The following UBR4 variants were observed in gnomAD, a reference collection of about 807,000 sequenced individuals.
The protein encoded by UBR4 is E3 ubiquitin-protein ligase UBR4.
A neutral mutation model predicts 575.6 loss-of-function variants in UBR4; 124 were observed. The observed-to-expected ratio is 0.22, with a 90% CI of 0.19 to 0.25. The LOEUF (loss-of-function observed/expected upper bound fraction) is 0.25. Ranked by LOEUF, UBR4 falls within the 10% of genes least tolerant of loss-of-function variation. The pLI, the probability that UBR4 is intolerant of heterozygous loss-of-function variation, is 1.00. For missense variants in UBR4, 4,818 were observed against 6,478.8 expected, an observed-to-expected ratio of 0.74 and a Z score of 8.80; for synonymous variants, 2,455 against 2,473.7, an observed-to-expected ratio of 0.99 and a Z score of 0.22.
rs149743030 is a variant in UBR4 at position 19,145,887 on chromosome 1, A to G, written c.7851T>C (p.Asp2617=). ...GKEPQKQLEG[D]CCSFITQLVN... ...CAAGCTGGGTGATGAAACTACAGCA[A>G]TCTCCTTCCAACTGCTTCTGCGGTT... Residue 2617 remains aspartate, a synonymous_variant, in exon 53 of 106, where the codon GAT becomes GAC. Coordinates refer to ENST00000375254, the MANE Select transcript of UBR4 (RefSeq NM_020765.3). The G allele has an allele frequency of 4.3e-6, 7 of 1,614,086 alleles. No homozygotes were observed. The highest frequency in any genetic ancestry group is 1.1e-5 in the South Asian group (1 of 91,092).
chr1:19,201,658 G>T, intron 2 of UBR4, 60 bp downstream of exon 2: 1 of 1,451,232 alleles, frequency 6.9e-7, no homozygotes, highest in Non-Finnish European at 9.6e-7. Context: ...CTAACGAGAG[G>T]ATAAACAATC....
intron 42 of UBR4, among the ~76,000 whole-genome samples, chr1:19,156,058 G>A (rs1353297153): frequency 6.6e-6 from 1 of 152,138 alleles, no homozygotes; most frequent in Admixed American, 6.6e-5. Flanking sequence ...CCAGATTGGA[G>A]TGGAGTGGCG....
Position 19,074,863 on chromosome 1 carries a change from A to C in UBR4, c.15521T>G (p.Phe5174Cys), listed in dbSNP as rs375820351. 2 of 1,614,060 alleles carry C rather than the reference A, an allele frequency of 1.2e-6. No homozygotes were observed. Among genetic ancestry groups the C allele is most frequent in the Non-Finnish European group, 1.7e-6 (2 of 1,179,954 alleles). The change falls in exon 106 of 106, where the codon TTC becomes TGC. Residue 5174 changes from phenylalanine (F) to cysteine (C), a missense_variant. Coordinates refer to ENST00000375254, the MANE Select transcript of UBR4 (RefSeq NM_020765.3). Reference sequence around the variant, plus strand: ...GACTGAGTTCAACAGGTCCTTCAGGAAGCTCTCTGGATCGGTGATTTCTGA... The same window carrying C: ...GACTGAGTTCAACAGGTCCTTCAGGCAGCTCTCTGGATCGGTGATTTCTGA... ...LLSEITDPES[F>C]LKDLLNSVP
intron 61 of UBR4, among the ~76,000 whole-genome samples, chr1:19,128,690 C>T: frequency 6.6e-6 from 1 of 152,216 alleles, no homozygotes. Context: ...TTGGCCCACA[C>T]TCTAATATCA....
In UBR4 at chr1:19,099,717, T is replaced by C. The variant is rs768343878; in HGVS notation, c.13222-40A>G. The C allele has an allele frequency of 3.2e-6, 5 of 1,574,530 alleles. No homozygotes were observed. In the East Asian group the frequency reaches 1.1e-4, roughly 35 times the overall value. On this transcript the variant is annotated intron_variant, in intron 89 of 105. Transcript: ENST00000375254. ...AGGTGAAGCTGTTGTTCCAAATAAT[T>C]GTAAGACAAGTAAAATCCAAGAGCA...
In UBR4 at chr1:19,074,582, A is replaced by C; in HGVS notation, c.*250T>G. On this transcript the variant is annotated 3_prime_UTR_variant, in exon 106 of 106. Transcript: ENST00000375254. ...CTCAAGTATGAAGCTGGCCGGGACA[A>C]CTCATGGCTCCTAGGTATGTACAGG... is the stretch of plus-strand genomic sequence containing the variant. The C allele has an allele frequency of 1.8e-6, 1 of 546,712 alleles. No homozygotes were observed. Among genetic ancestry groups the C allele is most frequent in the Non-Finnish European group, 3.3e-6 (1 of 303,030 alleles). The allele number at this position is 546,712 out of a possible 1,614,324, so 33.9% of individuals were successfully genotyped here. A position where few individuals can be genotyped will look rare whatever the true frequency, so the allele number is the denominator to read the frequency against.
intron 17 of UBR4, among the ~76,000 whole-genome samples, chr1:19,181,364 A>G (rs2090939106): frequency 6.6e-6 from 1 of 150,550 alleles, no homozygotes; most frequent in African/African-American, 2.4e-5. Flanking sequence ...CCCCACCTCT[A>G]AAAAAAAACA....
intron 5 of UBR4, 146 bp from the exon 6 acceptor site, chr1:19,198,195 T>G (rs2092570252): frequency 7.2e-6 from 6 of 835,570 alleles, no homozygotes; most frequent in Admixed American, 5.6e-5. Context: ...AAAATACAGG[T>G]TACATTTTCA....
Position 19,162,447 on chromosome 1 carries a change from T to A in UBR4, c.4929A>T (p.Glu1643Asp). 1 of 1,613,980 alleles carries A rather than the reference T, an allele frequency of 6.2e-7. No homozygotes were observed. The highest frequency in any genetic ancestry group is 8.5e-7 in the Non-Finnish European group (1 of 1,179,966). The change falls in exon 35 of 106, where the codon GAA (glutamate) becomes GAT (aspartate). Residue 1643 changes from glutamate (E) to aspartate (D), a missense_variant. Glu to Asp is a conservative substitution (Grantham distance 45). This residue lies in a region of UBR4 where 18 missense variants were observed against 37.3 expected (regional missense o/e 0.48). Transcript: ENST00000375254. The stretch of plus-strand genomic sequence containing the variant: ...AATCCTCAGCCTGGGAATCTTCCTC[T>A]TCCACCGCCAACTCCTCCACCCAGT... Reference protein sequence around the residue: ...DSDWVEELAVEEEDSQAEDSD... With the variant: ...DSDWVEELAVDEEDSQAEDSD...
intron 1 of UBR4, among the ~76,000 whole-genome samples, chr1:19,205,244 G>C (rs1280716931): frequency 6.6e-6 from 1 of 152,118 alleles, no homozygotes; most frequent in African/African-American, 2.4e-5. Context: ...AATCCAATTT[G>C]ATGTGTAAGT....
Position 19,076,863 on chromosome 1 carries a change from A to G in UBR4, c.15364T>C (p.Ser5122Pro). The change falls in exon 105 of 106, where the codon TCT becomes CCT. Residue 5122 changes from serine (S) to proline (P), a missense_variant. Coordinates refer to ENST00000375254, the MANE Select transcript of UBR4 (RefSeq NM_020765.3). ...TTGTGGCGGATGTACTCAGCGAGAGAGCAGGACCAGCCTCCCTCTGTGTTA... is the reference window on the plus strand; with the variant it reads ...TTGTGGCGGATGTACTCAGCGAGAGGGCAGGACCAGCCTCCCTCTGTGTTA... ...TSNTEGGWSC[S>P]LAEYIRHNDM... 6.2e-7 allele frequency: 1 copy of G among 1,603,926 alleles called. No individual in the cohort carries two copies. The highest frequency in any genetic ancestry group is 1.1e-5 in the South Asian group (1 of 89,354).
At chr1:19,183,051 G>C (rs1381966334) in intron 17 of UBR4, among the ~76,000 whole-genome samples, 1 of 152,170 alleles carries the variant, frequency 6.6e-6, no homozygotes, top group African/African-American at 2.4e-5. Flanking sequence ...TGTTTTGGTG[G>C]TGAGTTTGCA....
intron 34 of UBR4, among the ~76,000 whole-genome samples, chr1:19,162,836 A>T (rs959118656): frequency 5.3e-5 from 8 of 152,242 alleles, no homozygotes; most frequent in African/African-American, 1.9e-4. Context: ...TCTTAGGCAC[A>T]AAGACAGCTC....
intron 101 of UBR4, among the ~76,000 whole-genome samples, chr1:19,085,172 G>A (rs2076888420): frequency 6.6e-6 from 1 of 152,160 alleles, no homozygotes; most frequent in South Asian, 2.1e-4. Context: ...CTTATTAACT[G>A]GGTGACCTCG....
intron 11 of UBR4, 114 bp from the exon 12 acceptor site, chr1:19,187,654 ACCTT>A: frequency 1.1e-6 from 1 of 946,328 alleles, no homozygotes; most frequent in Non-Finnish European, 1.6e-6. Flanking sequence ...GACTCTGTGG[ACCTT>A]CAGAAAAAAA....
At chr1:19,137,808 GTAAT>G (rs1557736162) in intron 60 of UBR4, among the ~76,000 whole-genome samples, 195 bp downstream of exon 60, 2 of 152,134 alleles carry the variant, frequency 1.3e-5, no homozygotes, top group East Asian at 3.8e-4. Flanking sequence ...TATTCTCTCC[GTAAT>G]TAATATAATT....
At chr1:19,080,897 T>TGGAATGTGGGACGCATGGGATA (rs2076432931) in intron 103 of UBR4, 1 of 158,844 alleles carries the variant, frequency 6.3e-6, no homozygotes, top group Non-Finnish European at 1.4e-5. Context: ...GAAAGGTTCA[T>TGGAATGTGGGACGCATGGGATA]GGAATGTGGG....
rs765420108 is a variant in UBR4, at chr1:19,163,806, C to T, written c.4722G>A (p.Lys1574=). 3 of 1,614,146 alleles carry T rather than the reference C, an allele frequency of 1.9e-6. No homozygotes were observed. In the Admixed American group the frequency reaches 5.0e-5, roughly 27 times the overall value. The change falls in exon 34 of 106, where the codon AAG becomes AAA. Residue 1574 remains lysine, a synonymous_variant. Coordinates refer to ENST00000375254, the MANE Select transcript of UBR4 (RefSeq NM_020765.3). ...TGGCATTCAGTTTTTCAACTACATT[C>T]TTCTGTGACAGGTATTTCTTGCTGT... ...LSRCKKYLSQ[K]NVVEKLNANV...
At chr1:19,143,780 T>C (rs985230126) in intron 55 of UBR4, among the ~76,000 whole-genome samples, 200 bp downstream of exon 55, 2 of 152,244 alleles carry the variant, frequency 1.3e-5, no homozygotes, top group African/African-American at 4.8e-5. Flanking sequence ...CCTTTAATCT[T>C]TATTTTTATC....
Sources: allele counts gnomAD v4.1 joint callset (sites outside exome capture counted in the v4.1 genomes callset), GRCh38; gene constraint gnomAD v4.1.1; regional missense constraint gnomAD v4.1.1; transcripts MANE v1.5; gene names NCBI Gene and HGNC (gene_info 2026-07-23, HGNC 2026-07-21).